Variants in ITGA1 observed in about 807,000 individuals in gnomAD.
The protein encoded by ITGA1 is integrin subunit alpha 1, also known as integrin alpha-1.
In ITGA1, 85 loss-of-function variants were observed where a neutral mutation model predicts 145.9. The ratio of observed to expected loss-of-function variants is 0.58; its 90% CI spans 0.49 to 0.70. The LOEUF is 0.70. Among genes scored for constraint, ITGA1 ranks in the 30% least tolerant of loss-of-function variants. The pLI is 0.00. For synonymous variants in ITGA1, 520 were observed against 495.3 expected, an observed-to-expected ratio of 1.05 and a Z score of -0.66; for missense variants, 1,351 against 1,418.7, an observed-to-expected ratio of 0.95 and a Z score of 0.77.
rs893264225 is a variant in ITGA1, at chr5:52,809,606, G to A, written c.61+21192G>A. ...CTGCCCCTCTGCCTCCTGGGTTCAAGCAATTCTCGTGCCTCACCCTCCCCA... is the reference window on the plus strand; with the variant it reads ...CTGCCCCTCTGCCTCCTGGGTTCAAACAATTCTCGTGCCTCACCCTCCCCA... On this transcript the variant is annotated intron_variant, in intron 1 of 28. Transcript: ENST00000282588. 5.5e-4 allele frequency among the ~76,000 whole-genome samples: 83 copies of A among 150,096 alleles called. 1 individual carries two copies. Among genetic ancestry groups the A allele is most frequent in the Non-Finnish European group, 1.5e-4 (10 of 67,750 alleles).
At chr5:52,907,405 C>T (rs1478439) in intron 12 of ITGA1, among the ~76,000 whole-genome samples, 31,466 of 152,034 alleles carry the variant, frequency 0.21, 3,915 homozygotes, top group South Asian at 0.34. Context: ...TTTTAGATGA[C>T]GTCTTTGATC....
At chr5:52,794,314 T>G (rs1479070571) in intron 1 of ITGA1, among the ~76,000 whole-genome samples, 1 of 152,012 alleles carries the variant, frequency 6.6e-6, no homozygotes. Context: ...AAATCATATA[T>G]CCTTACTACA....
At chr5:52,876,369 G>A (rs566666182) in intron 6 of ITGA1, among the ~76,000 whole-genome samples, 5 of 152,176 alleles carry the variant, frequency 3.3e-5, no homozygotes, top group African/African-American at 7.2e-5. Context: ...AAGTAATTGC[G>A]GTTTTGCCAT....
intron 26 of ITGA1, among the ~76,000 whole-genome samples, chr5:52,944,190 T>C (rs1333223193): frequency 6.6e-6 from 1 of 152,102 alleles, no homozygotes; most frequent in African/African-American, 2.4e-5. Flanking sequence ...CTGGGCTCCA[T>C]GCTAGCTGAA....
chr5:52,829,912 G>A (rs187158939), intron 1 of ITGA1, among the ~76,000 whole-genome samples: 1 of 152,124 alleles, frequency 6.6e-6, no homozygotes, highest in Non-Finnish European at 1.5e-5. Flanking sequence ...GAGGATTCAA[G>A]GCATAAAAGG....
In ITGA1 at chr5:52,918,791, T is replaced by C; in HGVS notation, c.2048T>C (p.Ile683Thr). ...AATTTTGAGCCAAATAAAGTGAATATTCAAAAGAAAAACTGCCATATGGAG... is the reference window on the plus strand; with the variant it reads ...AATTTTGAGCCAAATAAAGTGAATACTCAAAAGAAAAACTGCCATATGGAG... ...TMNFEPNKVNIQKKNCHMEGK... is the reference protein window; with the variant it reads ...TMNFEPNKVNTQKKNCHMEGK... Residue 683 changes from isoleucine (I) to threonine (T), a missense_variant, in exon 16 of 29, where the codon ATT (isoleucine) becomes ACT (threonine). By Grantham distance (89) the Ile-to-Thr change is moderately conservative (BLOSUM62 -1). Transcript: ENST00000282588. The C allele has an allele frequency of 1.2e-6, 2 of 1,612,502 alleles. No individual in the cohort carries two copies. The highest frequency in any genetic ancestry group is 8.5e-7 in the Non-Finnish European group (1 of 1,179,222).
chr5:52,845,577 T>G (rs1330060146), intron 1 of ITGA1, among the ~76,000 whole-genome samples: 1 of 152,188 alleles, frequency 6.6e-6, no homozygotes, highest in Non-Finnish European at 1.5e-5. Context: ...GATGTTCTTG[T>G]CTTCATCTGT....
chr5:52,923,896 C>T (rs1169162755), intron 18 of ITGA1, among the ~76,000 whole-genome samples: 1 of 152,126 alleles, frequency 6.6e-6, no homozygotes, highest in Non-Finnish European at 1.5e-5. Flanking sequence ...TTCATGGAGC[C>T]CACCTTGTAA....
At chr5:52,908,838 TCA>T in intron 12 of ITGA1, 58 bp from the exon 13 acceptor site, 1 of 1,577,652 alleles carries the variant, frequency 6.3e-7, no homozygotes, top group Non-Finnish European at 8.7e-7. Flanking sequence ...AATGTAGATT[TCA>T]GTTTCCTTGA....
chr5:52,874,528 A>G (rs2111792648), intron 6 of ITGA1, among the ~76,000 whole-genome samples: 1 of 152,302 alleles, frequency 6.6e-6, no homozygotes, highest in Non-Finnish European at 1.5e-5. Context: ...CAGTTTCATA[A>G]GAGACTAATC....
intron 24 of ITGA1, 44 bp from the exon 25 acceptor site, chr5:52,939,546 T>C (rs766087339): frequency 5.4e-6 from 7 of 1,298,976 alleles, no homozygotes; most frequent in African/African-American, 1.5e-5. Context: ...GTTTTTCCTC[T>C]GATATCTGGC....
At chr5:52,888,416 C>T (rs1487020008) in intron 8 of ITGA1, among the ~76,000 whole-genome samples, 3 of 152,154 alleles carry the variant, frequency 2.0e-5, no homozygotes, top group South Asian at 2.1e-4. Flanking sequence ...TTCCCTTCCC[C>T]GTCTGAGCAA....
At chr5:52,897,213 G>A (rs76091210) in intron 9 of ITGA1, among the ~76,000 whole-genome samples, 5,140 of 152,172 alleles carry the variant, frequency 0.034, 315 homozygotes, top group African/African-American at 0.11. Context: ...CCCCTCTGGC[G>A]AGGACAGGGC....
intron 14 of ITGA1, among the ~76,000 whole-genome samples, chr5:52,912,551 TG>T (rs1306191924): frequency 7.4e-6 from 1 of 134,856 alleles, no homozygotes; most frequent in Admixed American, 7.5e-5. Context: ...TTATATATAG[TG>T]TATCCACTAT....
At position 52,955,019 on chromosome 5, in the gene ITGA1, A is replaced by T. The variant is rs1369770452; in HGVS notation, c.*2568A>T. 1 of 152,220 alleles carries T rather than the reference A, an allele frequency of 6.6e-6. No individual in the cohort carries two copies. The highest frequency in any genetic ancestry group is 1.5e-5 in the Non-Finnish European group (1 of 68,042). 9.4% of individuals were successfully genotyped at this position (152,220 alleles called of 1,614,324 possible). A position where few individuals can be genotyped will look rare whatever the true frequency, so the allele number is the denominator to read the frequency against. On this transcript the variant is annotated 3_prime_UTR_variant, in exon 29 of 29. Transcript: ENST00000282588. ...TAAACTTATTGGCCAAATTGCCAAA[A>T]AGTTTCTTTTTCTCTAACTTTGGTA...
At chr5:52,854,688 G>C (rs1275258981) in intron 2 of ITGA1, among the ~76,000 whole-genome samples, 1 of 152,172 alleles carries the variant, frequency 6.6e-6, no homozygotes, top group Non-Finnish European at 1.5e-5. Flanking sequence ...ACTATCTTTT[G>C]CAGGGAAGAA....
chr5:52,887,788 C>T, intron 7 of ITGA1, 27 bp from the exon 8 acceptor site: 1 of 1,596,118 alleles, frequency 6.3e-7, no homozygotes, highest in South Asian at 1.1e-5. Flanking sequence ...GTCTTATCAA[C>T]CTCTCTTTTG....
chr5:52,800,497 G>A, intron 1 of ITGA1: 1 of 1,614,082 alleles, frequency 6.2e-7, no homozygotes, highest in Non-Finnish European at 8.5e-7. Context: ...CCTCGTGCAG[G>A]TGGGCGACAG....
rs1750684738 is a variant in ITGA1, at chr5:52,918,612, C to T, written c.1989-120C>T. The T allele has an allele frequency of 6.3e-6, 5 of 799,740 alleles. No individual in the cohort carries two copies. The South Asian group carries it at 1.2e-4, about 19-fold the overall frequency. 49.5% of individuals were successfully genotyped at this position (799,740 alleles called of 1,614,324 possible). A position where few individuals can be genotyped will look rare whatever the true frequency, so the allele number is the denominator to read the frequency against. On this transcript the variant is annotated intron_variant, in intron 15 of 28. Transcript: ENST00000282588. Reference sequence around the variant, plus strand: ...AATGATTAATTAAAGAAATGGAGTCCTGAGCGCTGTATTATACATGAAGCA... The same window carrying T: ...AATGATTAATTAAAGAAATGGAGTCTTGAGCGCTGTATTATACATGAAGCA...
Sources: gnomAD v4.1 joint callset for allele counts (sites outside exome capture counted in the v4.1 genomes callset) on GRCh38, gnomAD v4.1.1 for gene constraint, MANE v1.5 for transcripts, NCBI Gene and HGNC (gene_info 2026-07-23, HGNC 2026-07-21) for gene names.